Variants in ACER3 observed in about 807,000 individuals in gnomAD.
ACER3 encodes alkaline ceramidase 3.
ACER3 carries 16 observed loss-of-function variants against 48.9 expected under a neutral mutation model. The observed-to-expected ratio is 0.33, with a 90% confidence interval of 0.22 to 0.50. The LOEUF (loss-of-function observed/expected upper bound fraction) is 0.50, where lower values mean the gene tolerates loss of function less well. ACER3 is among the 20% of genes least tolerant of loss of function. ACER3 has a pLI of 0.98. For synonymous variants in ACER3, 109 were observed against 107.8 expected (o/e 1.01, Z -0.07); for missense variants, 227 against 326.0 (o/e 0.70, Z 2.34).
chr11:76,865,810 C>G (rs1391357936), intron 1 of ACER3, among the ~76,000 whole-genome samples: 1 of 130,612 alleles, frequency 7.7e-6, no homozygotes, highest in African/African-American at 2.8e-5. Context: ...TGCCCAGCAT[C>G]TTTTTTTTTT....
chr11:76,872,303 G>A (rs757514023), intron 1 of ACER3, among the ~76,000 whole-genome samples: 72 of 152,022 alleles, frequency 4.7e-4, no homozygotes, highest in Non-Finnish European at 8.1e-4. Context: ...CTCGAACTCC[G>A]GACCTCAGGT....
chr11:76,921,447 C>A (rs1233090003), intron 1 of ACER3, among the ~76,000 whole-genome samples: 1 of 152,136 alleles, frequency 6.6e-6, no homozygotes, highest in Admixed American at 6.5e-5. Flanking sequence ...TATAAATATG[C>A]AGTTGATCCA....
At chr11:76,936,705 TTTTC>T (rs941180017) in intron 2 of ACER3, among the ~76,000 whole-genome samples, 8 of 145,808 alleles carry the variant, frequency 5.5e-5, no homozygotes, top group African/African-American at 1.7e-4. Flanking sequence ...ACAATTTTTC[TTTTC>T]TTTCTTTCTT....
chr11:76,861,020 C>G lies in ACER3; in HGVS notation c.44C>G (p.Thr15Ser). The G allele has an allele frequency of 6.5e-7, 1 of 1,547,372 alleles. No individual in the cohort carries two copies. Among genetic ancestry groups the G allele is most frequent in the African/African-American group, 1.4e-5 (1 of 72,968 alleles). The change falls in exon 1 of 11, where the codon ACC becomes AGC. Residue 15 changes from threonine (T) to serine (S), a missense_variant. Transcript: ENST00000532485. ...ADREGYWGPT[T>S]STLDWCEENY... ...CGAGAGGGCTACTGGGGCCCCACGA[C>G]CTCCACGCTGGACTGGTGCGAGGAG...
At chr11:76,943,184 C>G (rs1189788547) in intron 2 of ACER3, among the ~76,000 whole-genome samples, 1 of 151,600 alleles carries the variant, frequency 6.6e-6, no homozygotes. Flanking sequence ...TATCTTTGTA[C>G]TTCTTTTCTT....
chr11:76,979,317 C>G (rs1948524821), intron 4 of ACER3, among the ~76,000 whole-genome samples: 2 of 152,150 alleles, frequency 1.3e-5, no homozygotes, highest in African/African-American at 4.8e-5. Context: ...CTATAACCAA[C>G]TATATCACTG....
At chr11:76,958,229 C>T (rs991075295) in intron 2 of ACER3, among the ~76,000 whole-genome samples, 31 of 149,182 alleles carry the variant, frequency 2.1e-4, no homozygotes, top group Non-Finnish European at 3.8e-4. Context: ...TCTTGTTGCC[C>T]GGGCTGGAGT....
At chr11:76,967,416 C>G (rs1948168000) in intron 3 of ACER3, among the ~76,000 whole-genome samples, 1 of 152,184 alleles carries the variant, frequency 6.6e-6, no homozygotes, top group East Asian at 1.9e-4. Context: ...TGAAACTATT[C>G]CAATCAATAG....
chr11:76,873,000 C>T (rs1250170902), intron 1 of ACER3, among the ~76,000 whole-genome samples: 2 of 137,080 alleles, frequency 1.5e-5, no homozygotes, highest in African/African-American at 5.6e-5. Flanking sequence ...TAACCTCAAA[C>T]TCCTGGGTTC....
intron 2 of ACER3, among the ~76,000 whole-genome samples, chr11:76,949,919 A>G (rs1947593899): frequency 6.6e-6 from 1 of 152,102 alleles, no homozygotes. Flanking sequence ...TCTCCCACAT[A>G]TACCCAACAG....
At chr11:76,949,186 A>G (rs750903355) in intron 2 of ACER3, among the ~76,000 whole-genome samples, 1 of 152,210 alleles carries the variant, frequency 6.6e-6, no homozygotes, top group African/African-American at 2.4e-5. Flanking sequence ...TCTATTATAC[A>G]CTTGAGAAAC....
intron 1 of ACER3, among the ~76,000 whole-genome samples, chr11:76,906,165 T>C (rs1195597395): frequency 6.6e-6 from 1 of 152,190 alleles, no homozygotes; most frequent in Admixed American, 6.5e-5. Context: ...TCCCTATAAC[T>C]GATCCCCTGC....
In ACER3 at chr11:76,991,705, A is replaced by G. The variant is rs186110239; in HGVS notation, c.438+1131A>G. 1.9e-4 allele frequency among the ~76,000 whole-genome samples: 29 copies of G among 151,362 alleles called. No individual in the cohort carries two copies. The East Asian group carries it at 4.9e-3, about 26-fold the overall frequency. On this transcript the variant is annotated intron_variant, in intron 6 of 10. Transcript: ENST00000532485. ...GTGGCGTGCACCTGTAATCCCAACT[A>G]CTTGGGAGGCTGAGGCAGGAGAATC...
At position 76,860,974 on chromosome 11, in the gene ACER3, G is replaced by T. The variant is rs376920235; in HGVS notation, c.-3G>T. The T allele has an allele frequency of 5.2e-6, 8 of 1,530,054 alleles. No individual in the cohort carries two copies. The highest frequency in any genetic ancestry group is 7.0e-6 in the Non-Finnish European group (8 of 1,138,918). The allele number at this position is 1,530,054 out of a possible 1,614,324, so 94.8% of individuals were successfully genotyped here. ...GCGCCTGGGCGGCGGCGGCGGCGGC[G>T]TGATGGCTCCGGCCGCGGACCGAGA... On this transcript the variant is annotated 5_prime_UTR_variant, in exon 1 of 11. Coordinates refer to ENST00000532485, the MANE Select transcript of ACER3 (RefSeq NM_018367.7).
intron 2 of ACER3, among the ~76,000 whole-genome samples, chr11:76,948,660 C>T (rs1261069725): frequency 6.6e-6 from 1 of 152,130 alleles, no homozygotes; most frequent in Admixed American, 6.6e-5. Flanking sequence ...GGAAACATGA[C>T]CTTCTCCTTG....
chr11:76,862,330 G>A (rs982015021), intron 1 of ACER3, among the ~76,000 whole-genome samples: 2 of 151,458 alleles, frequency 1.3e-5, no homozygotes, highest in Non-Finnish European at 2.9e-5. Context: ...CAGGACTTTA[G>A]TACTATTCTC....
chr11:76,888,935 T>C (rs1945740710), intron 1 of ACER3, among the ~76,000 whole-genome samples: 1 of 152,206 alleles, frequency 6.6e-6, no homozygotes, highest in Admixed American at 6.5e-5. Flanking sequence ...ACATACCTTA[T>C]TTTTATATTT....
intron 1 of ACER3, among the ~76,000 whole-genome samples, chr11:76,916,829 A>C (rs1267339812): frequency 6.6e-6 from 1 of 152,184 alleles, no homozygotes; most frequent in African/African-American, 2.4e-5. Context: ...TCTCTGGCTC[A>C]TGACTTCATC....
intron 1 of ACER3, among the ~76,000 whole-genome samples, chr11:76,879,750 G>A (rs148909102): frequency 1.1e-4 from 16 of 152,178 alleles, no homozygotes; most frequent in African/African-American, 3.6e-4. Flanking sequence ...ACTTTGTTTC[G>A]CTGGCCCACT....
Sources: allele counts gnomAD v4.1 joint callset (sites outside exome capture counted in the v4.1 genomes callset), GRCh38; gene constraint gnomAD v4.1.1; transcripts MANE v1.5; gene names NCBI Gene and HGNC (gene_info 2026-07-23, HGNC 2026-07-21).